Variants in SNX3 observed in about 807,000 individuals in gnomAD.
SNX3 encodes sorting nexin 3.
Under a neutral mutation model 17.7 loss-of-function variants are expected in SNX3, and 5 were observed. That is an observed-to-expected ratio of 0.28 (90% CI 0.15 to 0.59). The LOEUF (loss-of-function observed/expected upper bound fraction) is 0.59, where lower values mean the gene tolerates loss of function less well. Among genes scored for constraint, SNX3 ranks in the 20% least tolerant of loss-of-function variants. The probability of loss-of-function intolerance (pLI) is 0.88; values close to 1 mark genes in which losing one functional copy is unlikely to be tolerated. For synonymous variants in SNX3, 91 were observed against 76.5 expected, an observed-to-expected ratio of 1.19 and a Z score of -0.99; for missense variants, 132 against 206.8, an observed-to-expected ratio of 0.64 and a Z score of 2.22.
chr6:108,230,026 C>G (rs1283716365), intron 1 of SNX3, among the ~76,000 whole-genome samples: 2 of 151,824 alleles, frequency 1.3e-5, no homozygotes, highest in Non-Finnish European at 2.9e-5. Context: ...TAGTTGATTC[C>G]TAGGTTTATC....
intron 2 of SNX3, among the ~76,000 whole-genome samples, chr6:108,220,339 G>A (rs1774720779): frequency 6.6e-6 from 1 of 151,426 alleles, no homozygotes; most frequent in Non-Finnish European, 1.5e-5. Flanking sequence ...CTATACAGGT[G>A]TACTATTTAA....
chr6:108,257,203 A>G (rs1181063566), intron 1 of SNX3, among the ~76,000 whole-genome samples: 2 of 152,214 alleles, frequency 1.3e-5, no homozygotes, highest in African/African-American at 2.4e-5. Flanking sequence ...TCGGGAGAGC[A>G]GCAACATTTA....
intron 1 of SNX3, among the ~76,000 whole-genome samples, chr6:108,235,133 G>A (rs150275137): frequency 1.3e-5 from 2 of 152,230 alleles, no homozygotes; most frequent in African/African-American, 2.4e-5. Context: ...CATTGGCTTG[G>A]CCATGTGACT....
At chr6:108,220,672 A>C (rs2114712217) in intron 2 of SNX3, among the ~76,000 whole-genome samples, 1 of 152,294 alleles carries the variant, frequency 6.6e-6, no homozygotes, top group East Asian at 1.9e-4. Context: ...TGTTTGAATT[A>C]CTATAGCCTT....
At chr6:108,252,095 C>A (rs67157456) in intron 1 of SNX3, 75,139 of 139,460 alleles carry the variant, frequency 0.54, 19,820 homozygotes, top group East Asian at 0.67. Context: ...AACAAACAAA[C>A]AAACAAAAAA....
At chr6:108,218,582 C>T (rs1774657926) in intron 2 of SNX3, among the ~76,000 whole-genome samples, 1 of 152,186 alleles carries the variant, frequency 6.6e-6, no homozygotes. Context: ...TTCACAGCAG[C>T]ACTACCAATA....
chr6:108,240,817 T>C (rs972543735), intron 1 of SNX3, among the ~76,000 whole-genome samples: 2 of 152,072 alleles, frequency 1.3e-5, no homozygotes, highest in African/African-American at 2.4e-5. Flanking sequence ...GGTGGGGCCT[T>C]GATTAACTCC....
rs1775544202 is a variant in SNX3 at position 108,242,249 on chromosome 6, GA to G, written c.162+18510del. ...ATGTAATGGGAGTCCCACGATGAGAGAAAGAAACAATAAATAATGGCTGAAA... is the reference window on the plus strand; with the variant it reads ...ATGTAATGGGAGTCCCACGATGAGAGAAGAAACAATAAATAATGGCTGAAA... On this transcript the variant is annotated intron_variant, in intron 1 of 3. Coordinates refer to ENST00000230085, the MANE Select transcript of SNX3 (RefSeq NM_003795.6). 2.0e-5 allele frequency among the ~76,000 whole-genome samples: 3 copies of G among 152,238 alleles called. No individual in the cohort carries two copies. The Middle Eastern group carries it at 0.01, about 518-fold the overall frequency.
intron 1 of SNX3, among the ~76,000 whole-genome samples, chr6:108,246,079 C>T (rs943927838): frequency 1.7e-4 from 26 of 151,992 alleles, no homozygotes; most frequent in African/African-American, 6.0e-4. Flanking sequence ...TTAGGTTTTA[C>T]GTTTAAGTCT....
At position 108,212,047 on chromosome 6, in the gene SNX3, G is replaced by A; in HGVS notation, c.*102C>T. The A allele has an allele frequency of 3.2e-6, 2 of 630,598 alleles. No individual in the cohort carries two copies. The highest frequency in any genetic ancestry group is 5.6e-6 in the Non-Finnish European group (2 of 356,392). The allele number at this position is 630,598 out of a possible 1,614,324, so 39.1% of individuals were successfully genotyped here. On this transcript the variant is annotated 3_prime_UTR_variant, in exon 4 of 4. Transcript: ENST00000230085. ...GCATATGAGTGTTAGTATACTGAAG[G>A]CATGTTATACCAGTTTCTGTGCAGC... is the stretch of plus-strand genomic sequence containing the variant.
chr6:108,229,648 C>A (rs150328489), intron 1 of SNX3, among the ~76,000 whole-genome samples: 1 of 152,090 alleles, frequency 6.6e-6, no homozygotes, highest in African/African-American at 2.4e-5. Flanking sequence ...GGTAAAATGG[C>A]GCGAGTGCAA....
chr6:108,236,809 T>C (rs1402039240), intron 1 of SNX3, among the ~76,000 whole-genome samples: 1 of 152,078 alleles, frequency 6.6e-6, no homozygotes, highest in African/African-American at 2.4e-5. Flanking sequence ...AACACATGAG[T>C]GATACATATA....
chr6:108,217,385 A>C (rs1184820757), intron 2 of SNX3, among the ~76,000 whole-genome samples: 1 of 152,184 alleles, frequency 6.6e-6, no homozygotes, highest in Non-Finnish European at 1.5e-5. Context: ...TAAAAATCAT[A>C]AATGGCTCAT....
intron 1 of SNX3, among the ~76,000 whole-genome samples, chr6:108,258,442 A>G (rs1354246511): frequency 1.9e-4 from 28 of 149,712 alleles, no homozygotes; most frequent in African/African-American, 6.9e-4. Context: ...TGGGCAACAG[A>G]GCGAGACTCC....
intron 1 of SNX3, among the ~76,000 whole-genome samples, chr6:108,242,406 G>C (rs918105829): frequency 2.0e-5 from 3 of 152,048 alleles, no homozygotes; most frequent in Non-Finnish European, 4.4e-5. Flanking sequence ...GCAAAATCTT[G>C]AATACAGTGG....
chr6:108,258,510 CTT>C (rs1469241502), intron 1 of SNX3, among the ~76,000 whole-genome samples: 1 of 151,900 alleles, frequency 6.6e-6, no homozygotes, highest in Non-Finnish European at 1.5e-5. Flanking sequence ...TACCAAAACC[CTT>C]TTTTCTCTCT....
intron 1 of SNX3, among the ~76,000 whole-genome samples, chr6:108,233,490 T>C (rs1775231116): frequency 6.6e-6 from 1 of 152,200 alleles, no homozygotes; most frequent in African/African-American, 2.4e-5. Flanking sequence ...TGAAAATCAG[T>C]ATTTTCAAAT....
chr6:108,227,580 TTAAA>T (rs905606154), intron 1 of SNX3, among the ~76,000 whole-genome samples: 77 of 152,338 alleles, frequency 5.1e-4, no homozygotes, highest in African/African-American at 1.9e-3. Flanking sequence ...GTTTATATAC[TTAAA>T]TTTAGAGGAC....
At chr6:108,234,753 T>C (rs1339653717) in intron 1 of SNX3, among the ~76,000 whole-genome samples, 1 of 152,178 alleles carries the variant, frequency 6.6e-6, no homozygotes, top group Admixed American at 6.5e-5. Flanking sequence ...TTAACATGAT[T>C]ATATACAGAC....
Sources: allele counts gnomAD v4.1 joint callset (sites outside exome capture counted in the v4.1 genomes callset), GRCh38; gene constraint gnomAD v4.1.1; transcripts MANE v1.5; gene names NCBI Gene and HGNC (gene_info 2026-07-23, HGNC 2026-07-21).